The following FNBP1L variants were observed in gnomAD, a reference collection of about 807,000 sequenced individuals.
The protein encoded by FNBP1L is formin-binding protein 1-like.
In FNBP1L, 36 loss-of-function variants were observed where a neutral mutation model predicts 91.2. That is an observed-to-expected ratio of 0.39 (90% CI 0.30 to 0.52). The LOEUF is 0.52. Ranked by LOEUF, FNBP1L falls within the 20% of genes least tolerant of loss-of-function variation. The pLI, the probability that FNBP1L is intolerant of heterozygous loss-of-function variation, is 0.66. For synonymous variants in FNBP1L, 242 were observed against 237.0 expected (o/e 1.02, Z -0.19); for missense variants, 571 against 732.1 (o/e 0.78, Z 2.54).
chr1:93,509,806 A>G lies in FNBP1L; in HGVS notation c.140+10223A>G, dbSNP rs1232878096. ...AGGCATTGCCTCACTCGGGAAGCGC[A>G]AGGGGTCAGGGAGTTCCCTTTCCTA... On this transcript the variant is annotated intron_variant, in intron 2 of 16. Transcript: ENST00000271234. Among the ~76,000 whole-genome samples the G allele has an allele frequency of 3.3e-5, 5 of 152,230 alleles. No homozygotes were observed. The East Asian group carries it at 9.7e-4, about 29-fold the overall frequency.
intron 5 of FNBP1L, among the ~76,000 whole-genome samples, chr1:93,527,011 A>G (rs1671515622): frequency 6.6e-6 from 1 of 152,162 alleles, no homozygotes; most frequent in Non-Finnish European, 1.5e-5. Flanking sequence ...ATGTATGAGT[A>G]TTTAAATATT....
At chr1:93,522,710 A>G (rs1286151382) in intron 3 of FNBP1L, among the ~76,000 whole-genome samples, 3 of 152,204 alleles carry the variant, frequency 2.0e-5, no homozygotes, top group Non-Finnish European at 4.4e-5. Context: ...ATGGAGTCCT[A>G]TCTGAGCTGT....
chr1:93,541,067 T>C lies in FNBP1L; in HGVS notation c.1164+11T>C, dbSNP rs765621539. On this transcript the variant is annotated intron_variant, in intron 11 of 16. Transcript: ENST00000271234. Reference sequence around the variant, plus strand: ...TGGTCGGTGAAGATGGTAAGCCTTATGTGCTGATCTATATACTGTGCCAAC... The same window carrying C: ...TGGTCGGTGAAGATGGTAAGCCTTACGTGCTGATCTATATACTGTGCCAAC... 1 of 1,536,064 alleles carries C rather than the reference T, an allele frequency of 6.5e-7. No individual in the cohort carries two copies. The highest frequency in any genetic ancestry group is 8.7e-7 in the Non-Finnish European group (1 of 1,146,006).
chr1:93,455,572 A>G (rs1432751791), intron 1 of FNBP1L, among the ~76,000 whole-genome samples: 2 of 152,144 alleles, frequency 1.3e-5, no homozygotes, highest in Non-Finnish European at 1.5e-5. Context: ...TTACTTCTAT[A>G]TCAGTTTAAA....
At chr1:93,527,131 G>C (rs571333778) in intron 5 of FNBP1L, among the ~76,000 whole-genome samples, 3 of 152,090 alleles carry the variant, frequency 2.0e-5, no homozygotes. Flanking sequence ...ATCCTGGAGC[G>C]CATTTATTTG....
chr1:93,530,882 AG>A lies in FNBP1L; in HGVS notation c.639+1del. 1 of 1,531,060 alleles carries A rather than the reference AG, an allele frequency of 6.5e-7. No homozygotes were observed. Among genetic ancestry groups the A allele is most frequent in the Non-Finnish European group, 8.8e-7 (1 of 1,133,786 alleles). The allele number at this position is 1,531,060 out of a possible 1,614,324, so 94.8% of individuals were successfully genotyped here. ...TATGTAGTGATTCCTCAGATTTACA[AG>A]GTAAATCTTAGATATGAAGTTAATC... ...HFYVVIPQIY[K>X]QLQEMDERRT... On this transcript the variant is annotated frameshift_variant and splice_region_variant, in exon 7 of 17. Transcript: ENST00000271234. LOFTEE classifies it high-confidence loss of function.
intron 5 of FNBP1L, among the ~76,000 whole-genome samples, chr1:93,527,340 A>G (rs1197332963): frequency 1.3e-5 from 2 of 152,306 alleles, no homozygotes; most frequent in African/African-American, 4.8e-5. Context: ...GTCTGAGCTG[A>G]TAAGTGGCAT....
chr1:93,512,527 G>A (rs1670895507), intron 2 of FNBP1L, among the ~76,000 whole-genome samples: 2 of 152,052 alleles, frequency 1.3e-5, no homozygotes, highest in East Asian at 1.9e-4. Context: ...TGGAAGTAAA[G>A]CTCTCCTCAG....
intron 1 of FNBP1L, among the ~76,000 whole-genome samples, chr1:93,481,077 A>C (rs1308946240): frequency 6.6e-6 from 1 of 152,148 alleles, no homozygotes; most frequent in Non-Finnish European, 1.5e-5. Flanking sequence ...TTTTCCTGAC[A>C]AATGCTCCAG....
intron 2 of FNBP1L, 97 bp from the exon 3 acceptor site, chr1:93,521,985 T>C (rs1671343263): frequency 1.6e-6 from 1 of 641,132 alleles, no homozygotes; most frequent in African/African-American, 1.9e-5. Flanking sequence ...TTTTATATCA[T>C]AAAATTCATG....
At chr1:93,547,569 T>C in intron 14 of FNBP1L, 128 bp downstream of exon 14, 1 of 704,558 alleles carries the variant, frequency 1.4e-6, no homozygotes, top group Non-Finnish European at 2.3e-6. Flanking sequence ...CTCAGTCTTT[T>C]GAACCTAAGT....
intron 2 of FNBP1L, among the ~76,000 whole-genome samples, chr1:93,501,621 C>G (rs1190267683): frequency 3.3e-5 from 5 of 152,134 alleles, no homozygotes; most frequent in Non-Finnish European, 5.9e-5. Context: ...CTCCCAACAC[C>G]ACCACTTTGG....
At chr1:93,489,918 G>A (rs1232386929) in intron 1 of FNBP1L, among the ~76,000 whole-genome samples, 1 of 152,176 alleles carries the variant, frequency 6.6e-6, no homozygotes, top group East Asian at 1.9e-4. Context: ...TTTGGTGGTA[G>A]TTTGGTATTC....
intron 2 of FNBP1L, among the ~76,000 whole-genome samples, chr1:93,517,061 A>G (rs1671148176): frequency 7.2e-6 from 1 of 139,424 alleles, no homozygotes; most frequent in Non-Finnish European, 1.5e-5. Context: ...TTTTTTTGAG[A>G]CAGAGCCTTG....
chr1:93,459,613 A>C (rs569515505), intron 1 of FNBP1L, among the ~76,000 whole-genome samples: 2 of 152,248 alleles, frequency 1.3e-5, no homozygotes, highest in Non-Finnish European at 2.9e-5. Context: ...ACCCTTGTAC[A>C]TTGTTGATGG....
At chr1:93,483,035 A>G (rs1669768684) in intron 1 of FNBP1L, among the ~76,000 whole-genome samples, 1 of 149,924 alleles carries the variant, frequency 6.7e-6, no homozygotes, top group Admixed American at 6.6e-5. Context: ...CAAAAAAAAC[A>G]AAAAACAAAA....
chr1:93,496,830 C>T (rs1670278611), intron 1 of FNBP1L, among the ~76,000 whole-genome samples: 3 of 152,102 alleles, frequency 2.0e-5, no homozygotes, highest in Admixed American at 2.0e-4. Flanking sequence ...TGTACCTGGC[C>T]TAAATGTTAA....
At chr1:93,515,923 T>G (rs1344459123) in intron 2 of FNBP1L, among the ~76,000 whole-genome samples, 2 of 151,618 alleles carry the variant, frequency 1.3e-5, no homozygotes, top group African/African-American at 4.9e-5. Flanking sequence ...ATAATAATAA[T>G]AAAAAGAGAT....
chr1:93,547,431 G>A lies in FNBP1L; in HGVS notation c.1492G>A (p.Gly498Arg). The A allele has an allele frequency of 6.4e-7, 1 of 1,552,508 alleles. No individual in the cohort carries two copies. Among genetic ancestry groups the A allele is most frequent in the Non-Finnish European group, 8.7e-7 (1 of 1,147,052 alleles). Residue 498 changes from glycine to arginine, a missense_variant, in exon 14 of 17, where the codon GGA (glycine) becomes AGA (arginine). Gly to Arg is a moderately radical substitution (Grantham distance 125). Transcript: ENST00000271234. ...TGACATAAATCATCTTGTAACACAG[G>A]GACGAGAAAGGTGATTTTTTGTATT... ...SSDINHLVTQ[G>R]RESPEGSYTD...
Sources: allele counts gnomAD v4.1 joint callset (sites outside exome capture counted in the v4.1 genomes callset), GRCh38; gene constraint gnomAD v4.1.1; transcripts MANE v1.5; gene names NCBI Gene and HGNC (gene_info 2026-07-23, HGNC 2026-07-21).